CUX1: variants seen among roughly 807,000 people sequenced by gnomAD.
The protein encoded by CUX1 is cut like homeobox 1, also known as protein CASP.
In CUX1, 31 loss-of-function variants were observed where a neutral mutation model predicts 158.8. The ratio of observed to expected loss-of-function variants is 0.20; its 90% CI spans 0.15 to 0.26. The LOEUF is 0.26. Among genes scored for constraint, CUX1 ranks in the 10% least tolerant of loss-of-function variants. The pLI is 1.00. For missense variants in CUX1, 1,589 were observed against 2,014.6 expected, an observed-to-expected ratio of 0.79 and a Z score of 4.04; for synonymous variants, 879 against 862.1, an observed-to-expected ratio of 1.02 and a Z score of -0.34.
intron 2 of CUX1, among the ~76,000 whole-genome samples, chr7:101,991,174 T>G (rs1302037270): frequency 2.0e-5 from 3 of 152,178 alleles, no homozygotes; most frequent in Non-Finnish European, 4.4e-5. Context: ...CTAGTTTCAC[T>G]TCTTTAAAAA....
At chr7:102,277,953 A>G in exon 18 of CUX1, 1 of 1,490,446 alleles carries the variant, frequency 6.7e-7, no homozygotes, top group Admixed American at 2.1e-5. Flanking sequence ...CCCCAGGAGA[A>G]CCGCCTGGCC....
chr7:101,833,925 A>C (rs914999491), intron 1 of CUX1, among the ~76,000 whole-genome samples: 1 of 152,088 alleles, frequency 6.6e-6, no homozygotes, highest in East Asian at 1.9e-4. Flanking sequence ...TCTGTCCTAG[A>C]ATGGGACGCA....
intron 2 of CUX1, among the ~76,000 whole-genome samples, chr7:101,955,200 G>A (rs1409596269): frequency 6.6e-6 from 1 of 151,746 alleles, no homozygotes; most frequent in African/African-American, 2.4e-5. Flanking sequence ...GGAAGGGAGA[G>A]GATGATTTGT....
intron 8 of CUX1, among the ~76,000 whole-genome samples, chr7:102,135,340 T>C (rs1554498435): frequency 6.6e-6 from 1 of 152,064 alleles, no homozygotes; most frequent in African/African-American, 2.4e-5. Flanking sequence ...TTCCGTTCAT[T>C]AAGTGGAAGT....
intron 2 of CUX1, 109 bp from the exon 3 acceptor site, chr7:102,027,989 A>G: frequency 3.7e-6 from 4 of 1,086,334 alleles, no homozygotes; most frequent in South Asian, 2.8e-5. Flanking sequence ...TGCTTTAGAT[A>G]GTGATAATTA....
intron 2 of CUX1, among the ~76,000 whole-genome samples, chr7:102,019,429 TGGCGA>T (rs1473572877): frequency 6.6e-6 from 1 of 152,196 alleles, no homozygotes; most frequent in Non-Finnish European, 1.5e-5. Context: ...TTCACCATGT[TGGCGA>T]GGCTGGTCTT....
intron 1 of CUX1, among the ~76,000 whole-genome samples, chr7:101,887,952 C>T (rs967766847): frequency 2.7e-5 from 4 of 150,874 alleles, no homozygotes; most frequent in East Asian, 2.0e-4. Context: ...TCCAGGAGAA[C>T]GCATTCAATG....
chr7:101,927,973 G>A (rs975840381), intron 2 of CUX1, among the ~76,000 whole-genome samples: 24 of 152,196 alleles, frequency 1.6e-4, no homozygotes, highest in Admixed American at 7.9e-4. Flanking sequence ...GCCCCTTGCT[G>A]AAACGTCAAC....
intron 2 of CUX1, among the ~76,000 whole-genome samples, chr7:101,929,935 G>A (rs192753685): frequency 1.7e-3 from 258 of 152,172 alleles, no homozygotes; most frequent in African/African-American, 5.9e-3. Flanking sequence ...TCTACCTCCC[G>A]GGTTCAAGCG....
chr7:101,967,075 G>T (rs1298012154), intron 2 of CUX1, among the ~76,000 whole-genome samples: 1 of 151,916 alleles, frequency 6.6e-6, no homozygotes, highest in Non-Finnish European at 1.5e-5. Flanking sequence ...GTTTAGTGGC[G>T]CAATCTCGGC....
At chr7:101,976,377 C>G (rs969775649) in intron 2 of CUX1, among the ~76,000 whole-genome samples, 1 of 152,136 alleles carries the variant, frequency 6.6e-6, no homozygotes, top group Non-Finnish European at 1.5e-5. Flanking sequence ...ATGCAATATT[C>G]CTTTAAATAT....
rs902455647 is a variant in CUX1 at position 102,255,675 on chromosome 7, A to T, written c.*6633A>T. ...CCTTATATCCCAATGTCACGGCTAC[A>T]TCCCTATGGAAATTAATCAGAAGCA... On this transcript the variant is annotated 3_prime_UTR_variant, in exon 24 of 24. Transcript: ENST00000292535. 1.0e-6 allele frequency: 1 copy of T among 985,330 alleles called. No individual in the cohort carries two copies. Among genetic ancestry groups the T allele is most frequent in the Non-Finnish European group, 1.2e-6 (1 of 829,946 alleles). 61.0% of individuals were successfully genotyped at this position (985,330 alleles called of 1,614,324 possible). A position where few individuals can be genotyped will look rare whatever the true frequency, so the allele number is the denominator to read the frequency against.
At position 101,954,230 on chromosome 7, in the gene CUX1, C is replaced by T. The variant is rs184449608; in HGVS notation, c.141+38005C>T. Among the ~76,000 whole-genome samples, 53 of 152,326 alleles carry T rather than the reference C, an allele frequency of 3.5e-4. 1 individual carries two copies. In the South Asian group the frequency reaches 7.0e-3, roughly 20 times the overall value. On this transcript the variant is annotated intron_variant, in intron 2 of 23. Transcript: ENST00000292535. ...AATTAGCCAGGTACAGTGGTGCACA[C>T]GTGTAGCCCCAGCTACTTGGGAGGC...
intron 4 of CUX1, among the ~76,000 whole-genome samples, chr7:102,071,579 C>T (rs900270105): frequency 2.6e-5 from 4 of 152,190 alleles, no homozygotes; most frequent in African/African-American, 9.6e-5. Flanking sequence ...CAGTTGTGCC[C>T]TTGCCCTTGT....
In CUX1 at chr7:102,004,210, C is replaced by T. The variant is rs547757065; in HGVS notation, c.142-23888C>T. On this transcript the variant is annotated intron_variant, in intron 2 of 23. Coordinates refer to ENST00000292535, the MANE Select transcript of CUX1 (RefSeq NM_181552.4). ...GGCTGTTACCACATGGTTTGATTTG[C>T]GATGCCAAGCAGGCTTCCTTACGGG... Among the ~76,000 whole-genome samples the T allele has an allele frequency of 1.1e-4, 17 of 152,218 alleles. No individual in the cohort carries two copies. The East Asian group carries it at 1.2e-3, about 10-fold the overall frequency.
chr7:102,231,451 TA>T (rs1268613150), intron 21 of CUX1, among the ~76,000 whole-genome samples: 1 of 152,152 alleles, frequency 6.6e-6, no homozygotes, highest in Non-Finnish European at 1.5e-5. Flanking sequence ...ATGTTGGTTT[TA>T]CTGGGTGAAG....
At chr7:102,140,555 T>C (rs1834332124) in intron 8 of CUX1, among the ~76,000 whole-genome samples, 1 of 151,686 alleles carries the variant, frequency 6.6e-6, no homozygotes. Flanking sequence ...CTCTATGTGT[T>C]TTTTTTATTG....
At chr7:102,107,644 C>T (rs1830497879) in intron 6 of CUX1, among the ~76,000 whole-genome samples, 1 of 152,240 alleles carries the variant, frequency 6.6e-6, no homozygotes, top group Non-Finnish European at 1.5e-5. Flanking sequence ...CATTCTCTCA[C>T]TAATTGCCCA....
chr7:101,833,009 C>T (rs944279026), intron 1 of CUX1, among the ~76,000 whole-genome samples: 2 of 152,222 alleles, frequency 1.3e-5, no homozygotes, highest in South Asian at 2.1e-4. Flanking sequence ...AAAGTAACTT[C>T]GGGGCTGGTT....
Sources: gnomAD v4.1 joint callset for allele counts (sites outside exome capture counted in the v4.1 genomes callset) on GRCh38, gnomAD v4.1.1 for gene constraint, MANE v1.5 for transcripts, NCBI Gene and HGNC (gene_info 2026-07-23, HGNC 2026-07-21) for gene names.